The following TF variants were observed in gnomAD, a reference collection of about 807,000 sequenced individuals.
TF encodes the protein transferrin.
Under a neutral mutation model 82.4 loss-of-function variants are expected in TF, and 55 were observed. That is an observed-to-expected ratio of 0.67 (90% confidence interval 0.54 to 0.84). The LOEUF is 0.84. Among genes scored for constraint, TF ranks in the 40% least tolerant of loss-of-function variants. TF has a pLI of 0.00. For synonymous variants in TF, 332 were observed against 332.6 expected, an observed-to-expected ratio of 1.00 and a Z score of 0.02; for missense variants, 737 against 868.4, an observed-to-expected ratio of 0.85 and a Z score of 1.90.
chr3:133,723,637 TTTATTATTATTA>T, the TF span, among the ~76,000 whole-genome samples: 9 of 143,584 alleles, frequency 6.3e-5, no homozygotes, highest in Non-Finnish European at 7.5e-5. Flanking sequence ...GTTTGGTTCT[TTTATTATTATTA>T]TTATTATTAT....
At chr3:133,777,850 A>G (rs1472636272) in intron 16 of TF, 1 of 157,778 alleles carries the variant, frequency 6.3e-6, no homozygotes, top group Non-Finnish European at 1.4e-5. Context: ...AGAATAAAAC[A>G]CATCTTTGCA....
chr3:133,786,225 A>T lies in TF; in HGVS notation c.*7605A>T, dbSNP rs1361085157. ...AATTATCAATAAAAAAATAAATTAA[A>T]AAAAAAAAAAAAAAACAATACTATT... On this transcript the variant is annotated 3_prime_UTR_variant, in exon 17 of 17. Transcript: ENST00000402696. 4 of 74,028 alleles carry T rather than the reference A, an allele frequency of 5.4e-5. 1 individual carries two copies. The highest frequency in any genetic ancestry group is 7.7e-5 in the African/African-American group (2 of 26,000). 4.6% of individuals were successfully genotyped at this position (74,028 alleles called of 1,614,324 possible). A position where few individuals can be genotyped will look rare whatever the true frequency, so the allele number is the denominator to read the frequency against.
At chr3:133,776,970 C>T (rs1559879955) in intron 15 of TF, 79 bp from the exon 16 acceptor site, 11 of 1,353,434 alleles carry the variant, frequency 8.1e-6, no homozygotes, top group Non-Finnish European at 1.2e-5. Flanking sequence ...TGGTTCAGAG[C>T]TTTCAGACTC....
chr3:133,770,448 A>G (rs1237028329), intron 13 of TF, 60 bp from the exon 14 acceptor site: 1 of 1,525,636 alleles, frequency 6.6e-7, no homozygotes, highest in Middle Eastern at 1.7e-4. Flanking sequence ...AGCCCCCTGA[A>G]TGACAGATAA....
intron 3 of TF, chr3:133,753,989 G>A (rs1933751720): frequency 2.6e-5 from 14 of 540,174 alleles, no homozygotes; most frequent in South Asian, 1.2e-4. Context: ...AGGCTACTGC[G>A]GTCTACTGAT....
At chr3:133,677,579 G>C in the TF span, among the ~76,000 whole-genome samples, 19 of 152,296 alleles carry the variant, frequency 1.2e-4, no homozygotes, top group African/African-American at 4.6e-4. Context: ...GGAGGTTTCA[G>C]TTGAGTCAAG....
At chr3:133,749,295 G>A (rs8177191) in intron 2 of TF, among the ~76,000 whole-genome samples, 20,384 of 152,180 alleles carry the variant, frequency 0.13, 1,490 homozygotes, top group East Asian at 0.19. Context: ...GCAGGTGACA[G>A]CTGATCTTTT....
chr3:133,698,518 C>T, the TF span, among the ~76,000 whole-genome samples: 18 of 152,178 alleles, frequency 1.2e-4, no homozygotes, highest in African/African-American at 4.1e-4. Flanking sequence ...CCACTGTCCT[C>T]GCTTCTGGTG....
intron 9 of TF, among the ~76,000 whole-genome samples, chr3:133,763,790 C>T (rs1934055199): frequency 6.6e-6 from 1 of 152,214 alleles, no homozygotes; most frequent in Non-Finnish European, 1.5e-5. Flanking sequence ...AGCCCCCCTT[C>T]AGAAGGTGCT....
the TF span, among the ~76,000 whole-genome samples, chr3:133,722,668 C>T: frequency 6.6e-5 from 10 of 152,104 alleles, no homozygotes; most frequent in South Asian, 2.1e-4. Flanking sequence ...CATAAAAGTA[C>T]GCATTTTCCT....
the TF span, among the ~76,000 whole-genome samples, chr3:133,696,164 C>T: frequency 6.6e-6 from 1 of 152,062 alleles, no homozygotes; most frequent in Admixed American, 6.5e-5. Flanking sequence ...GTGACTCATG[C>T]CTGTAATCTC....
intron 15 of TF, 90 bp from the exon 16 acceptor site, chr3:133,776,959 C>A: frequency 1.7e-6 from 2 of 1,209,572 alleles, no homozygotes; most frequent in Non-Finnish European, 2.4e-6. Context: ...TTCCCCAGGG[C>A]TGGTTCAGAG....
At chr3:133,764,644 T>G (rs1934080084) in intron 10 of TF, among the ~76,000 whole-genome samples, 1 of 152,236 alleles carries the variant, frequency 6.6e-6, no homozygotes. Context: ...GTGGTCTCAG[T>G]GCAGACAGAG....
At chr3:133,698,411 A>C in the TF span, among the ~76,000 whole-genome samples, 1 of 152,202 alleles carries the variant, frequency 6.6e-6, no homozygotes, top group African/African-American at 2.4e-5. Flanking sequence ...AAGCAACATA[A>C]ATATCTTGTC....
the TF span, among the ~76,000 whole-genome samples, chr3:133,673,036 G>C: frequency 2.6e-5 from 4 of 152,194 alleles, no homozygotes; most frequent in Admixed American, 2.0e-4. Context: ...TTGCATAATG[G>C]AGAATTATTG....
At chr3:133,767,959 G>A in intron 12 of TF, 70 bp from the exon 13 acceptor site, 1 of 1,592,196 alleles carries the variant, frequency 6.3e-7, no homozygotes, top group African/African-American at 1.3e-5. Flanking sequence ...ATGCAGCCCT[G>A]TTATCTCTTA....
At chr3:133,765,358 CA>C (rs1934101924) in intron 11 of TF, among the ~76,000 whole-genome samples, 1 of 152,198 alleles carries the variant, frequency 6.6e-6, no homozygotes, top group African/African-American at 2.4e-5. Flanking sequence ...TATCAAGGAA[CA>C]TAAAATTATC....
At chr3:133,773,483 ATT>A (rs902131447) in intron 14 of TF, 2 of 92,908 alleles carry the variant, frequency 2.2e-5, no homozygotes, top group African/African-American at 7.0e-5. Flanking sequence ...TTTTATCACA[ATT>A]TGTGTGTGTG....
At chr3:133,729,204 T>C in the TF span, among the ~76,000 whole-genome samples, 1 of 152,216 alleles carries the variant, frequency 6.6e-6, no homozygotes, top group Non-Finnish European at 1.5e-5. Flanking sequence ...GACAGGGACA[T>C]TGAAGTCTGC....
Sources: allele counts gnomAD v4.1 joint callset (sites outside exome capture counted in the v4.1 genomes callset), GRCh38; gene constraint gnomAD v4.1.1; transcripts MANE v1.5; gene names NCBI Gene and HGNC (gene_info 2026-07-23, HGNC 2026-07-21).